Variants in LMBR1 observed in about 807,000 individuals in gnomAD.
LMBR1 encodes the protein limb region 1 protein homolog.
LMBR1 carries 52 observed loss-of-function variants against 73.9 expected under a neutral mutation model. That is an observed-to-expected ratio of 0.70 (90% CI 0.56 to 0.89). The LOEUF is 0.89. LMBR1 is among the 40% of genes least tolerant of loss of function. The probability of loss-of-function intolerance (pLI) is 0.00; values close to 1 mark genes in which losing one functional copy is unlikely to be tolerated. For synonymous variants in LMBR1, 215 were observed against 209.4 expected, an observed-to-expected ratio of 1.03 and a Z score of -0.23; for missense variants, 539 against 579.8, an observed-to-expected ratio of 0.93 and a Z score of 0.72.
At chr7:156,863,906 T>A (rs1207002516) in intron 1 of LMBR1, among the ~76,000 whole-genome samples, 1 of 152,100 alleles carries the variant, frequency 6.6e-6, no homozygotes, top group Non-Finnish European at 1.5e-5. Flanking sequence ...TCCCAGCACT[T>A]TGGGATGCCA....
At position 156,694,194 on chromosome 7, in the gene LMBR1, T is replaced by C. The variant is rs150071327; in HGVS notation, c.1226-6003A>G. Among the ~76,000 whole-genome samples the C allele has an allele frequency of 1.3e-3, 193 of 152,238 alleles. 2 individuals are homozygous for C. The highest frequency in any genetic ancestry group is 4.6e-3 in the African/African-American group (190 of 41,526). On this transcript the variant is annotated intron_variant, in intron 15 of 16. Coordinates refer to ENST00000353442, the MANE Select transcript of LMBR1 (RefSeq NM_022458.4). ...TTTTTTTTAAGAGACAGAATCTCAC[T>C]CTGTCACCCAGGCTAGAGTGCAGAG...
chr7:156,796,511 G>T lies in LMBR1; in HGVS notation c.320-19C>A, dbSNP rs917763592. On this transcript the variant is annotated intron_variant, in intron 4 of 16. Transcript: ENST00000353442. ...CACAAACCTATAAAAAGGGTAACAA[G>T]AAAAGAAGAAAAACAGGTTAGATAT... The T allele has an allele frequency of 6.6e-7, 1 of 1,505,878 alleles. No homozygotes were observed. Among genetic ancestry groups the T allele is most frequent in the African/African-American group, 1.4e-5 (1 of 71,880 alleles). 93.3% of individuals were successfully genotyped at this position (1,505,878 alleles called of 1,614,324 possible).
chr7:156,861,999 C>G (rs1323850516), intron 1 of LMBR1, among the ~76,000 whole-genome samples: 1 of 152,194 alleles, frequency 6.6e-6, no homozygotes, highest in African/African-American at 2.4e-5. Context: ...TCTCTGTTCC[C>G]CAGTTCCAAA....
chr7:156,882,744 T>C (rs1478664256), intron 1 of LMBR1, among the ~76,000 whole-genome samples: 1 of 152,156 alleles, frequency 6.6e-6, no homozygotes, highest in Non-Finnish European at 1.5e-5. Flanking sequence ...CTTAAAACTT[T>C]AAGAGGGGCT....
chr7:156,841,343 G>A (rs1031246427), intron 1 of LMBR1, among the ~76,000 whole-genome samples: 1 of 151,990 alleles, frequency 6.6e-6, no homozygotes, highest in Non-Finnish European at 1.5e-5. Flanking sequence ...CCATTCAGAA[G>A]AAAGGGCCAG....
chr7:156,887,236 C>T (rs1408965381), intron 1 of LMBR1, among the ~76,000 whole-genome samples: 9 of 151,970 alleles, frequency 5.9e-5, no homozygotes, highest in Non-Finnish European at 2.9e-5. Flanking sequence ...GAGGCCGAGG[C>T]GGCAGATCAC....
At chr7:156,850,467 T>C (rs961460157) in intron 1 of LMBR1, among the ~76,000 whole-genome samples, 3 of 152,238 alleles carry the variant, frequency 2.0e-5, no homozygotes, top group African/African-American at 7.2e-5. Flanking sequence ...TAGACTCTTG[T>C]AACCACCAAT....
chr7:156,885,349 T>C (rs1586467313), intron 1 of LMBR1, among the ~76,000 whole-genome samples: 1 of 145,778 alleles, frequency 6.9e-6, no homozygotes, highest in Admixed American at 6.8e-5. Flanking sequence ...CGAGACTCCG[T>C]GTAAAAGAAA....
chr7:156,743,684 T>G (rs1819318332), intron 9 of LMBR1, among the ~76,000 whole-genome samples: 1 of 152,148 alleles, frequency 6.6e-6, no homozygotes, highest in Non-Finnish European at 1.5e-5. Context: ...AGTGAAACTT[T>G]AGTTTATCCT....
chr7:156,761,759 G>A (rs540243940), intron 8 of LMBR1, among the ~76,000 whole-genome samples: 35 of 151,976 alleles, frequency 2.3e-4, no homozygotes, highest in Non-Finnish European at 3.7e-4. Flanking sequence ...GGCAGATAAC[G>A]AGGTCAGGAG....
Position 156,722,238 on chromosome 7 carries a change from G to A in LMBR1, c.1225+1874C>T, listed in dbSNP as rs577540667. On this transcript the variant is annotated intron_variant, in intron 15 of 16. Transcript: ENST00000353442. ...AGGTCAGGGTTTCCTTGAGAGAGGCGACAAGAAAGACTGAAAAATGTCACA... is the reference window on the plus strand; with the variant it reads ...AGGTCAGGGTTTCCTTGAGAGAGGCAACAAGAAAGACTGAAAAATGTCACA... Among the ~76,000 whole-genome samples, 16 of 152,182 alleles carry A rather than the reference G, an allele frequency of 1.1e-4. No individual in the cohort carries two copies. The South Asian group carries it at 2.5e-3, about 24-fold the overall frequency.
At chr7:156,881,660 G>C (rs1320997328) in intron 1 of LMBR1, among the ~76,000 whole-genome samples, 2 of 152,090 alleles carry the variant, frequency 1.3e-5, no homozygotes, top group Admixed American at 6.6e-5. Context: ...TTAAAAAACA[G>C]GCTAAGGACT....
intron 5 of LMBR1, among the ~76,000 whole-genome samples, chr7:156,766,547 T>C (rs1032909339): frequency 6.6e-6 from 1 of 152,162 alleles, no homozygotes; most frequent in Non-Finnish European, 1.5e-5. Flanking sequence ...CTCAGACTTT[T>C]CACAGTTCTT....
rs558763071 is a variant in LMBR1 at position 156,885,391 on chromosome 7, TG to T, written c.66+7536del. On this transcript the variant is annotated intron_variant, in intron 1 of 16. Coordinates refer to ENST00000353442, the MANE Select transcript of LMBR1 (RefSeq NM_022458.4). ...AAAAAGTCCCAGTCAACCCCAGACT[TG>T]GTTCCAAAAATATTCTAGCCAAGAG... 3.5e-4 allele frequency among the ~76,000 whole-genome samples: 52 copies of T among 150,456 alleles called. 1 individual carries two copies. In the South Asian group the frequency reaches 7.8e-3, roughly 23 times the overall value.
chr7:156,833,080 C>T (rs1175266168), intron 3 of LMBR1, among the ~76,000 whole-genome samples: 1 of 152,136 alleles, frequency 6.6e-6, no homozygotes, highest in Non-Finnish European at 1.5e-5. Context: ...GGAAATGAAG[C>T]ATCAGATGAG....
At chr7:156,749,527 A>G (rs6954725) in intron 9 of LMBR1, among the ~76,000 whole-genome samples, 23,011 of 152,132 alleles carry the variant, frequency 0.15, 1,797 homozygotes, top group East Asian at 0.19. Context: ...CAGGTCACAA[A>G]TTCTACAAAA....
chr7:156,776,271 C>T (rs1348595190), intron 5 of LMBR1, among the ~76,000 whole-genome samples: 1 of 151,848 alleles, frequency 6.6e-6, no homozygotes, highest in African/African-American at 2.4e-5. Context: ...AAATGTATGC[C>T]ACCTTCTAAT....
At chr7:156,724,362 T>A (rs887726001) in intron 14 of LMBR1, among the ~76,000 whole-genome samples, 184 bp from the exon 15 acceptor site, 2 of 152,186 alleles carry the variant, frequency 1.3e-5, no homozygotes, top group Admixed American at 6.5e-5. Flanking sequence ...TAAAGTTATA[T>A]CTGTAAGTTC....
chr7:156,758,004 A>T (rs1301655266), intron 8 of LMBR1, among the ~76,000 whole-genome samples: 1 of 152,242 alleles, frequency 6.6e-6, no homozygotes, highest in Non-Finnish European at 1.5e-5. Flanking sequence ...ACAAAGAATG[A>T]CCATCCTATG....
Sources: allele counts gnomAD v4.1 joint callset (sites outside exome capture counted in the v4.1 genomes callset), GRCh38; gene constraint gnomAD v4.1.1; transcripts MANE v1.5; gene names NCBI Gene and HGNC (gene_info 2026-07-23, HGNC 2026-07-21).